The following ARHGAP24 variants were observed in gnomAD, a reference collection of about 807,000 sequenced individuals.
ARHGAP24 encodes the protein rho GTPase-activating protein 24.
ARHGAP24 carries 50 observed loss-of-function variants against 76.4 expected under a neutral mutation model. The observed-to-expected ratio is 0.65, with a 90% CI of 0.52 to 0.83. The LOEUF is 0.83. Ranked by LOEUF, ARHGAP24 falls within the 40% of genes least tolerant of loss-of-function variation. The pLI is 0.00. For missense variants in ARHGAP24, 930 were observed against 914.2 expected, an observed-to-expected ratio of 1.02 and a Z score of -0.22; for synonymous variants, 345 against 323.3, an observed-to-expected ratio of 1.07 and a Z score of -0.72.
In ARHGAP24 at chr4:85,834,737, A is replaced by G. The variant is rs1730174629; in HGVS notation, c.269-88911A>G. Among the ~76,000 whole-genome samples, 3 of 152,314 alleles carry G rather than the reference A, an allele frequency of 2.0e-5. No homozygotes were observed. In the South Asian group the frequency reaches 6.2e-4, roughly 32 times the overall value. ...AATGCCAGGATGGGATGAAGGCCTCAATCTAGAGTTGCTTTTACTATTTGG... is the reference window on the plus strand; with the variant it reads ...AATGCCAGGATGGGATGAAGGCCTCGATCTAGAGTTGCTTTTACTATTTGG... On this transcript the variant is annotated intron_variant, in intron 3 of 9. Transcript: ENST00000395184.
intron 2 of ARHGAP24, among the ~76,000 whole-genome samples, chr4:85,617,353 C>T (rs1578080986): frequency 6.6e-6 from 1 of 151,454 alleles, no homozygotes; most frequent in South Asian, 2.1e-4. Flanking sequence ...TGTTACTCAG[C>T]CAACAGTTGC....
At chr4:85,683,461 T>C (rs1462881779) in intron 2 of ARHGAP24, among the ~76,000 whole-genome samples, 1 of 152,232 alleles carries the variant, frequency 6.6e-6, no homozygotes, top group Non-Finnish European at 1.5e-5. Flanking sequence ...CTCATTTAAC[T>C]CTTAACTCAC....
intron 1 of ARHGAP24, among the ~76,000 whole-genome samples, chr4:85,502,639 T>G (rs954891510): frequency 1.5e-4 from 23 of 152,320 alleles, no homozygotes; most frequent in African/African-American, 5.3e-4. Flanking sequence ...TGGGGTTTTC[T>G]AAACATAGAA....
chr4:85,600,749 G>A (rs1720002766), intron 2 of ARHGAP24, among the ~76,000 whole-genome samples: 1 of 152,154 alleles, frequency 6.6e-6, no homozygotes, highest in Admixed American at 6.6e-5. Flanking sequence ...TTTCATGCAA[G>A]GAATACGTAA....
intron 2 of ARHGAP24, among the ~76,000 whole-genome samples, chr4:85,710,136 G>A (rs909422837): frequency 5.3e-5 from 8 of 151,944 alleles, no homozygotes; most frequent in Non-Finnish European, 1.2e-4. Context: ...AGCGAAAATA[G>A]CCTGGTACTG....
At chr4:85,931,039 A>G (rs1736302723) in intron 4 of ARHGAP24, 5 of 1,608,436 alleles carry the variant, frequency 3.1e-6, no homozygotes, top group Non-Finnish European at 4.2e-6. Flanking sequence ...TAGTTTTCGG[A>G]AAGGTAGGTA....
chr4:85,722,008 A>G (rs1724963560), intron 3 of ARHGAP24, 36 bp downstream of exon 3: 2 of 1,571,422 alleles, frequency 1.3e-6, no homozygotes, highest in African/African-American at 1.4e-5. Context: ...AATTATTGTC[A>G]TCCTGTGTTG....
rs548071527 is a variant in ARHGAP24, at chr4:85,997,699, G to A, written c.2003+2042G>A. Among the ~76,000 whole-genome samples, 6 of 151,378 alleles carry A rather than the reference G, an allele frequency of 4.0e-5. No homozygotes were observed. The South Asian group carries it at 1.0e-3, about 26-fold the overall frequency. ...GACAGAGTCTCACTCTGTTGCCCAC[G>A]CTGGAGAGTGCAGTGATGCAATCTT... On this transcript the variant is annotated intron_variant, in intron 9 of 9. Transcript: ENST00000395184.
rs189591585 is a variant in ARHGAP24 at position 85,535,603 on chromosome 4, C to T, written c.-20-34919C>T. On this transcript the variant is annotated intron_variant, in intron 1 of 9. Coordinates refer to ENST00000395184, the MANE Select transcript of ARHGAP24 (RefSeq NM_001025616.3). ...TAATCATTTCCAAAGCAAATGTTGTCCCATCTGAATCACATAGCCCATCCT... is the reference window on the plus strand; with the variant it reads ...TAATCATTTCCAAAGCAAATGTTGTTCCATCTGAATCACATAGCCCATCCT... Among the ~76,000 whole-genome samples, 314 of 152,242 alleles carry T rather than the reference C, an allele frequency of 2.1e-3. 1 individual carries two copies. Among genetic ancestry groups the T allele is most frequent in the Middle Eastern group, 6.8e-3 (2 of 294 alleles).
At chr4:85,838,055 C>T (rs563420296) in intron 3 of ARHGAP24, among the ~76,000 whole-genome samples, 84 of 152,242 alleles carry the variant, frequency 5.5e-4, no homozygotes, top group African/African-American at 1.6e-3. Context: ...AAATAGCGAA[C>T]GTGTGTTATT....
At chr4:85,653,353 A>G (rs1486350731) in intron 2 of ARHGAP24, among the ~76,000 whole-genome samples, 2 of 152,216 alleles carry the variant, frequency 1.3e-5, no homozygotes, top group African/African-American at 4.8e-5. Flanking sequence ...TCTTCATTGT[A>G]TTATGTAGTA....
chr4:85,613,942 T>C (rs1720471019), intron 2 of ARHGAP24, among the ~76,000 whole-genome samples: 1 of 152,190 alleles, frequency 6.6e-6, no homozygotes, highest in East Asian at 1.9e-4. Context: ...ACTGTTTTTC[T>C]TGTGAGAAAT....
At chr4:85,932,887 C>T (rs559150308) in intron 4 of ARHGAP24, among the ~76,000 whole-genome samples, 27 of 152,230 alleles carry the variant, frequency 1.8e-4, no homozygotes, top group African/African-American at 5.5e-4. Context: ...CCTGGGAGCA[C>T]GAGCGCTCAG....
chr4:85,983,605 T>TA (rs1739813575), intron 8 of ARHGAP24, among the ~76,000 whole-genome samples: 1 of 152,202 alleles, frequency 6.6e-6, no homozygotes, highest in African/African-American at 2.4e-5. Flanking sequence ...CCAACAAACT[T>TA]ACTTTAAAAA....
At chr4:85,669,724 T>C (rs1722762114) in intron 2 of ARHGAP24, among the ~76,000 whole-genome samples, 1 of 145,602 alleles carries the variant, frequency 6.9e-6, no homozygotes, top group Non-Finnish European at 1.5e-5. Context: ...CAAACTTCTA[T>C]GTGAAGCATC....
At chr4:85,983,583 A>G (rs929385239) in intron 8 of ARHGAP24, among the ~76,000 whole-genome samples, 2 of 152,238 alleles carry the variant, frequency 1.3e-5, no homozygotes, top group Non-Finnish European at 2.9e-5. Flanking sequence ...TCAAAAGAAG[A>G]TATTTATGCA....
intron 9 of ARHGAP24, among the ~76,000 whole-genome samples, chr4:85,997,354 A>AG (rs61182017): frequency 5.0e-5 from 7 of 139,140 alleles, no homozygotes; most frequent in African/African-American, 2.3e-4. Flanking sequence ...AGAGATAGAT[A>AG]ATAGATAGAT....
chr4:85,748,088 T>C (rs1456531588), intron 3 of ARHGAP24, among the ~76,000 whole-genome samples: 1 of 152,238 alleles, frequency 6.6e-6, no homozygotes, highest in East Asian at 1.9e-4. Flanking sequence ...AGGTTCCCTG[T>C]AAGGCAGGCA....
At chr4:85,755,640 TG>T (rs1380354963) in intron 3 of ARHGAP24, among the ~76,000 whole-genome samples, 9,884 of 101,774 alleles carry the variant, frequency 0.097, 1,448 homozygotes, top group Middle Eastern at 0.11. Flanking sequence ...TGTTTTGTTT[TG>T]TTTTGTTTTG....
Sources: allele counts gnomAD v4.1 joint callset (sites outside exome capture counted in the v4.1 genomes callset), GRCh38; gene constraint gnomAD v4.1.1; transcripts MANE v1.5; gene names NCBI Gene and HGNC (gene_info 2026-07-23, HGNC 2026-07-21).